Variants in DOCK8 observed in about 807,000 individuals in gnomAD.
DOCK8 encodes dedicator of cytokinesis 8.
Under a neutral mutation model 245.6 loss-of-function variants are expected in DOCK8, and 141 were observed. The ratio of observed to expected loss-of-function variants is 0.57; its 90% CI spans 0.50 to 0.66. The LOEUF (loss-of-function observed/expected upper bound fraction) is 0.66. Ranked by LOEUF, DOCK8 falls within the 30% of genes least tolerant of loss-of-function variation. The pLI is 0.00. For synonymous variants in DOCK8, 1,168 were observed against 970.2 expected (o/e 1.20, Z -3.79); for missense variants, 2,965 against 2,603.4 (o/e 1.14, Z -3.02).
intron 15 of DOCK8, chr9:369,746 T>C (rs758798000): frequency 5.0e-5 from 9 of 180,968 alleles, no homozygotes; most frequent in Non-Finnish European, 9.4e-5. Flanking sequence ...GAACCTCATT[T>C]CACCCTTCAT....
chr9:394,523 G>A (rs10973842), intron 24 of DOCK8, among the ~76,000 whole-genome samples: 33,566 of 152,208 alleles, frequency 0.22, 3,876 homozygotes, highest in Middle Eastern at 0.28. Context: ...AGTTGTGTCA[G>A]TGCCCAAGCG....
chr9:302,823 C>T (rs560864895), intron 4 of DOCK8, among the ~76,000 whole-genome samples: 3 of 152,056 alleles, frequency 2.0e-5, no homozygotes, highest in Admixed American at 6.5e-5. Flanking sequence ...GTCAGAATGC[C>T]TGTTATTGAA....
At chr9:312,260 C>CTGACACCATGGGCTGCTAT in intron 6 of DOCK8, 94 bp downstream of exon 6, 1 of 1,442,874 alleles carries the variant, frequency 6.9e-7, no homozygotes, top group Non-Finnish European at 9.6e-7. Flanking sequence ...TATAGCAGCC[C>CTGACACCATGGGCTGCTAT]ATGGTGTCAG....
chr9:323,689 C>A (rs1385128356), intron 7 of DOCK8, among the ~76,000 whole-genome samples: 4 of 152,298 alleles, frequency 2.6e-5, no homozygotes, highest in Admixed American at 1.3e-4. Context: ...CAGCCCCTGG[C>A]AACTCCCATT....
At chr9:435,495 T>C (rs915985569) in intron 39 of DOCK8, among the ~76,000 whole-genome samples, 1 of 152,224 alleles carries the variant, frequency 6.6e-6, no homozygotes, top group Non-Finnish European at 1.5e-5. Context: ...TTCAAAGACT[T>C]GTAGTTGACA....
intron 30 of DOCK8, among the ~76,000 whole-genome samples, chr9:419,016 G>A (rs2056160033): frequency 6.6e-6 from 1 of 152,168 alleles, no homozygotes; most frequent in South Asian, 2.1e-4. Flanking sequence ...GACTCTGTGG[G>A]CTCAAAGAGG....
intron 1 of DOCK8, among the ~76,000 whole-genome samples, chr9:271,372 T>C (rs911548914): frequency 2.0e-5 from 3 of 152,030 alleles, no homozygotes; most frequent in African/African-American, 7.3e-5. Flanking sequence ...AAGTCCTCCT[T>C]CTGTCATCAT....
At chr9:338,948 G>T in intron 12 of DOCK8, 58 bp from the exon 13 acceptor site, 1 of 1,461,186 alleles carries the variant, frequency 6.8e-7, no homozygotes, top group Non-Finnish European at 9.6e-7. Context: ...GAAATCGTTT[G>T]TCCCCAACCC....
intron 18 of DOCK8, among the ~76,000 whole-genome samples, chr9:374,091 G>A (rs1160962879): frequency 6.6e-6 from 1 of 152,178 alleles, no homozygotes; most frequent in Admixed American, 6.6e-5. Flanking sequence ...CTATAAGGTT[G>A]CTGTAAGCAT....
intron 14 of DOCK8, among the ~76,000 whole-genome samples, chr9:356,765 T>C (rs2052467605): frequency 6.6e-6 from 1 of 152,186 alleles, no homozygotes; most frequent in Non-Finnish European, 1.5e-5. Flanking sequence ...GAGAGTGAAT[T>C]ATATATAAAC....
At chr9:451,555 G>A (rs1430191818) in intron 45 of DOCK8, among the ~76,000 whole-genome samples, 1 of 152,030 alleles carries the variant, frequency 6.6e-6, no homozygotes, top group Admixed American at 6.6e-5. Flanking sequence ...CCTGGGAAGT[G>A]GAGGCTGCAG....
At chr9:216,819 C>T (rs2046766624) in intron 1 of DOCK8, among the ~76,000 whole-genome samples, 1 of 152,022 alleles carries the variant, frequency 6.6e-6, no homozygotes, top group Admixed American at 6.6e-5. Flanking sequence ...TGGCCGAGAC[C>T]CGGACTAATC....
At chr9:375,694 A>C (rs1413404514) in intron 18 of DOCK8, among the ~76,000 whole-genome samples, 7 of 152,200 alleles carry the variant, frequency 4.6e-5, no homozygotes, top group Non-Finnish European at 1.0e-4. Context: ...TGAGTCGTCT[A>C]AGTAAAAATA....
intron 28 of DOCK8, among the ~76,000 whole-genome samples, chr9:413,374 G>A (rs4741870): frequency 0.36 from 54,511 of 151,822 alleles, 10,002 homozygotes; most frequent in East Asian, 0.53. Context: ...TGACACACTC[G>A]AAAGTATGAG....
At chr9:445,616 G>A (rs1306801661) in intron 43 of DOCK8, among the ~76,000 whole-genome samples, 1 of 152,164 alleles carries the variant, frequency 6.6e-6, no homozygotes, top group Non-Finnish European at 1.5e-5. Context: ...TACTTCCCGT[G>A]CCCATTGGTA....
chr9:435,744 C>T (rs768961880), intron 39 of DOCK8, among the ~76,000 whole-genome samples: 60 of 152,208 alleles, frequency 3.9e-4, no homozygotes, highest in Non-Finnish European at 4.6e-4. Flanking sequence ...AAAGCTGGCT[C>T]GGATGGGGAT....
At chr9:344,439 G>A (rs1335770430) in intron 14 of DOCK8, among the ~76,000 whole-genome samples, 3 of 152,104 alleles carry the variant, frequency 2.0e-5, no homozygotes, top group African/African-American at 4.8e-5. Context: ...CAGTTACCCA[G>A]TCCCAGATGA....
At chr9:284,200 G>A (rs80012009) in intron 2 of DOCK8, among the ~76,000 whole-genome samples, 150 of 152,302 alleles carry the variant, frequency 9.8e-4, no homozygotes, top group Non-Finnish European at 1.6e-3. Flanking sequence ...TTGGTCCTAT[G>A]GAGGTGTCTG....
At chr9:383,977 A>T (rs1394183828) in intron 22 of DOCK8, among the ~76,000 whole-genome samples, 1 of 152,176 alleles carries the variant, frequency 6.6e-6, no homozygotes, top group Non-Finnish European at 1.5e-5. Context: ...TTATTCATTA[A>T]GTTCATCTTT....
Sources: allele counts gnomAD v4.1 joint callset (sites outside exome capture counted in the v4.1 genomes callset), GRCh38; gene constraint gnomAD v4.1.1; transcripts MANE v1.5; gene names NCBI Gene and HGNC (gene_info 2026-07-23, HGNC 2026-07-21).